TMEM245: variants seen among roughly 807,000 people sequenced by gnomAD.
TMEM245 encodes protein CG-2.
In TMEM245, 69 loss-of-function variants were observed where a neutral mutation model predicts 101.2. That is an observed-to-expected ratio of 0.68 (90% CI 0.56 to 0.83). The LOEUF is 0.83. Among genes scored for constraint, TMEM245 ranks in the 40% least tolerant of loss-of-function variants. The pLI is 0.00. For synonymous variants in TMEM245, 537 were observed against 449.8 expected (o/e 1.19, Z -2.45); for missense variants, 1,075 against 1,092.8 (o/e 0.98, Z 0.23).
rs376924585 is a variant in TMEM245, at chr9:109,050,332, G to A, written c.2074C>T (p.Pro692Ser). ...CCAATAATATTAGAAGAAGGACCTG[G>A]CTGAGATAGTGGAGTCAGGCTTATC... ...WVISLTPLSQ[P>S]GPSSNIIGQS... The change falls in exon 14 of 18, where the codon CCA becomes TCA. Residue 692 changes from proline (P) to serine (S), a missense_variant. Pro to Ser is a moderately conservative substitution (Grantham distance 74, BLOSUM62 -1). Transcript: ENST00000374586. 3 of 1,613,936 alleles carry A rather than the reference G, an allele frequency of 1.9e-6. No homozygotes were observed. In the African/African-American group the frequency reaches 4.0e-5, roughly 22 times the overall value.
At chr9:109,068,530 G>A (rs993081578) in intron 9 of TMEM245, among the ~76,000 whole-genome samples, 4 of 151,224 alleles carry the variant, frequency 2.6e-5, no homozygotes, top group African/African-American at 4.9e-5. Context: ...CTGTAATTCC[G>A]GCTACTTGGG....
chr9:109,104,359 C>A (rs915197432), intron 3 of TMEM245, among the ~76,000 whole-genome samples: 2 of 151,854 alleles, frequency 1.3e-5, no homozygotes, highest in Non-Finnish European at 2.9e-5. Flanking sequence ...TTAAAAAAAA[C>A]ACTAAAAAAT....
chr9:109,033,027 G>A (rs1481927022), intron 17 of TMEM245, among the ~76,000 whole-genome samples: 3 of 152,130 alleles, frequency 2.0e-5, no homozygotes, highest in Non-Finnish European at 4.4e-5. Context: ...TCGAACTCCT[G>A]ACCTCAGGTG....
intron 5 of TMEM245, among the ~76,000 whole-genome samples, chr9:109,090,716 CAA>C (rs112374218): frequency 1.3e-4 from 14 of 108,404 alleles, no homozygotes; most frequent in South Asian, 3.0e-4. Flanking sequence ...GACTCCGTCT[CAA>C]AAAAAAAAAA....
At position 109,018,678 on chromosome 9, in the gene TMEM245, T is replaced by G. The variant is rs1827524004; in HGVS notation, c.*1782A>C. On this transcript the variant is annotated 3_prime_UTR_variant, in exon 18 of 18. Coordinates refer to ENST00000374586, the MANE Select transcript of TMEM245 (RefSeq NM_032012.4). ...ATGTTTTAGGAAAAATTATTAATATTTCTACCTTTAAATACTTTCCAAAAA... is the reference window on the plus strand; with the variant it reads ...ATGTTTTAGGAAAAATTATTAATATGTCTACCTTTAAATACTTTCCAAAAA... 1 of 152,118 alleles carries G rather than the reference T, an allele frequency of 6.6e-6. No homozygotes were observed. 9.4% of individuals were successfully genotyped at this position (152,118 alleles called of 1,614,324 possible). A position where few individuals can be genotyped will look rare whatever the true frequency, so the allele number is the denominator to read the frequency against.
chr9:109,048,912 A>G (rs1828585102), intron 14 of TMEM245, among the ~76,000 whole-genome samples: 1 of 152,194 alleles, frequency 6.6e-6, no homozygotes, highest in African/African-American at 2.4e-5. Flanking sequence ...GAGATAAACA[A>G]CGATTCTGCA....
At chr9:109,089,275 T>C (rs550101408) in intron 5 of TMEM245, among the ~76,000 whole-genome samples, 5 of 152,174 alleles carry the variant, frequency 3.3e-5, no homozygotes, top group South Asian at 4.1e-4. Context: ...ACCATTTATA[T>C]TGCATGCTCC....
intron 1 of TMEM245, among the ~76,000 whole-genome samples, chr9:109,114,600 T>A (rs1024585759): frequency 6.6e-6 from 1 of 152,188 alleles, no homozygotes; most frequent in African/African-American, 2.4e-5. Flanking sequence ...ACCTCCTGCT[T>A]CTTTAAAAAG....
intron 9 of TMEM245, among the ~76,000 whole-genome samples, chr9:109,066,882 C>A (rs972596342): frequency 1.3e-5 from 2 of 151,704 alleles, no homozygotes; most frequent in African/African-American, 2.4e-5. Flanking sequence ...ATGGTGAAAC[C>A]CCGTCTCTAC....
chr9:109,063,884 A>G (rs1243545712), intron 10 of TMEM245, among the ~76,000 whole-genome samples: 1 of 152,214 alleles, frequency 6.6e-6, no homozygotes, highest in East Asian at 1.9e-4. Context: ...CAAGTGCCAC[A>G]TCAAAAGCAC....
intron 12 of TMEM245, among the ~76,000 whole-genome samples, chr9:109,056,688 A>G (rs981122475): frequency 4.6e-5 from 7 of 152,266 alleles, no homozygotes; most frequent in African/African-American, 1.7e-4. Flanking sequence ...GAAAGTCACA[A>G]GTTTATGCAC....
chr9:109,015,536 A>T lies in TMEM245; in HGVS notation c.*4924T>A, dbSNP rs906651388. The T allele has an allele frequency of 6.6e-6, 1 of 152,660 alleles. No individual in the cohort carries two copies. The highest frequency in any genetic ancestry group is 2.1e-4 in the South Asian group (1 of 4,826). 9.5% of individuals were successfully genotyped at this position (152,660 alleles called of 1,614,324 possible). On this transcript the variant is annotated 3_prime_UTR_variant, in exon 18 of 18. Transcript: ENST00000374586. ...AATAAAAAATAAATGATATTTGATA[A>T]TAAGCCAAAATTATCAGGATTTGCT... is the stretch of plus-strand genomic sequence containing the variant.
At chr9:109,103,024 A>G (rs1163103676) in intron 3 of TMEM245, among the ~76,000 whole-genome samples, 1 of 152,254 alleles carries the variant, frequency 6.6e-6, no homozygotes, top group Non-Finnish European at 1.5e-5. Context: ...CTATTTGCAG[A>G]TATAGGTCAC....
chr9:109,037,672 C>G (rs745804060), intron 15 of TMEM245, among the ~76,000 whole-genome samples: 1 of 152,134 alleles, frequency 6.6e-6, no homozygotes, highest in African/African-American at 2.4e-5. Flanking sequence ...GAGGCCTCCC[C>G]CAAAGCAGGA....
intron 14 of TMEM245, among the ~76,000 whole-genome samples, chr9:109,040,871 G>A (rs1244701355): frequency 6.6e-6 from 1 of 152,158 alleles, no homozygotes; most frequent in Non-Finnish European, 1.5e-5. Context: ...TTTCCAGTTT[G>A]GGGGTATTAT....
chr9:109,092,144 G>C (rs1173161630), intron 4 of TMEM245, among the ~76,000 whole-genome samples: 1 of 152,132 alleles, frequency 6.6e-6, no homozygotes, highest in Non-Finnish European at 1.5e-5. Flanking sequence ...TTGAAAGTCA[G>C]CTCCACCAGA....
intron 16 of TMEM245, among the ~76,000 whole-genome samples, chr9:109,034,208 T>C (rs1179016092): frequency 6.6e-6 from 1 of 152,242 alleles, no homozygotes; most frequent in East Asian, 1.9e-4. Context: ...ATTCTGTTTG[T>C]TTCTAGTTTT....
chr9:109,107,083 T>C (rs1049475682), intron 2 of TMEM245, among the ~76,000 whole-genome samples: 2 of 151,892 alleles, frequency 1.3e-5, no homozygotes, highest in Admixed American at 6.6e-5. Flanking sequence ...CCTCAGTGTA[T>C]AATGCAAAAA....
intron 12 of TMEM245, 105 bp downstream of exon 12, chr9:109,057,086 T>A (rs1828860933): frequency 8.1e-7 from 1 of 1,229,388 alleles, no homozygotes; most frequent in Non-Finnish European, 1.1e-6. Context: ...AATGTCATGA[T>A]GTTAAAAACA....
Sources: allele counts gnomAD v4.1 joint callset (sites outside exome capture counted in the v4.1 genomes callset), GRCh38; gene constraint gnomAD v4.1.1; transcripts MANE v1.5; gene names NCBI Gene and HGNC (gene_info 2026-07-23, HGNC 2026-07-21).